SCOC: variants seen among roughly 807,000 people sequenced by gnomAD.
SCOC encodes short coiled-coil protein, also known as short coiled coil protein.
In SCOC, 7 loss-of-function variants were observed where a neutral mutation model predicts 9.9. That is an observed-to-expected ratio of 0.71 (90% CI 0.40 to 1.33). SCOC has a LOEUF of 1.33. Among genes scored for constraint, SCOC ranks in the 40% most tolerant of loss-of-function variants. The probability of loss-of-function intolerance (pLI) is 0.01; values close to 1 mark genes in which losing one functional copy is unlikely to be tolerated. For synonymous variants in SCOC, 19 were observed against 28.2 expected (o/e 0.67, Z 1.03); for missense variants, 66 against 89.7 (o/e 0.74, Z 1.07).
rs1728581364 is a variant in SCOC at position 140,381,787 on chromosome 4, G to C, written c.*683G>C. 6.6e-6 allele frequency: 1 copy of C among 152,094 alleles called. No homozygotes were observed. Among genetic ancestry groups the C allele is most frequent in the South Asian group, 2.1e-4 (1 of 4,830 alleles). 9.4% of individuals were successfully genotyped at this position (152,094 alleles called of 1,614,324 possible). A position where few individuals can be genotyped will look rare whatever the true frequency, so the allele number is the denominator to read the frequency against. Reference sequence around the variant, plus strand: ...CTGAATTAACTTGGGAATATTTGTTGTTAAAAACTTCTTTTTGCCCAAAAT... The same window carrying C: ...CTGAATTAACTTGGGAATATTTGTTCTTAAAAACTTCTTTTTGCCCAAAAT... On this transcript the variant is annotated 3_prime_UTR_variant, in exon 4 of 4. Transcript: ENST00000608372.
chr4:140,338,575 T>G (rs1409371983), upstream of SCOC, among the ~76,000 whole-genome samples: 2 of 152,200 alleles, frequency 1.3e-5, no homozygotes, highest in Non-Finnish European at 2.9e-5. Flanking sequence ...AAAATCTCCT[T>G]AAGCTGATAA....
In SCOC at chr4:140,359,421, C is replaced by T. The variant is rs150396461; in HGVS notation, c.70+15713C>T. Among the ~76,000 whole-genome samples, 5 of 152,252 alleles carry T rather than the reference C, an allele frequency of 3.3e-5. No homozygotes were observed. The East Asian group carries it at 9.6e-4, about 29-fold the overall frequency. On this transcript the variant is annotated intron_variant, in intron 2 of 4. Coordinates refer to the SCOC transcript ENST00000338517. ...CCTAGAGTAAATGTTCTAAGACCAA[C>T]AAGGAAGGTTGTGTGTACTTTTTAT...
chr4:140,296,465 T>TTCCAGA (rs1002546682), intron 1 of SCOC, among the ~76,000 whole-genome samples: 1 of 152,106 alleles, frequency 6.6e-6, no homozygotes, highest in African/African-American at 2.4e-5. Flanking sequence ...CATGATTTAT[T>TTCCAGA]TCCAGATTTA....
chr4:140,352,029 C>T (rs901530548), intron 2 of SCOC, among the ~76,000 whole-genome samples: 19 of 152,288 alleles, frequency 1.2e-4, no homozygotes, highest in African/African-American at 4.3e-4. Context: ...GAGACAACTG[C>T]GCAGATGAGA....
At chr4:140,374,179 A>C (rs1401903450) in intron 1 of SCOC, 3 of 458,088 alleles carry the variant, frequency 6.5e-6, no homozygotes, top group Non-Finnish European at 1.3e-5. Context: ...GAGCCGTAAA[A>C]TAAGGATTGG....
At chr4:140,334,144 C>T (rs191922009) in intron 1 of SCOC, among the ~76,000 whole-genome samples, 187 of 152,224 alleles carry the variant, frequency 1.2e-3, no homozygotes, top group Non-Finnish European at 2.0e-3. Flanking sequence ...GTCTCAAACT[C>T]CCAGGCTCAA....
intron 1 of SCOC, among the ~76,000 whole-genome samples, chr4:140,331,804 CA>C (rs979655754): frequency 2.4e-4 from 36 of 152,124 alleles, no homozygotes; most frequent in African/African-American, 8.5e-4. Flanking sequence ...TGAACATTTC[CA>C]TTTGGATTTT....
chr4:140,374,031 G>C, intron 1 of SCOC: 1 of 546,532 alleles, frequency 1.8e-6, no homozygotes, highest in South Asian at 1.5e-5. Flanking sequence ...GAGCCGCTTT[G>C]CAGCTCTCGG....
chr4:140,287,089 A>G (rs1473015405), intron 1 of SCOC, among the ~76,000 whole-genome samples: 1 of 152,082 alleles, frequency 6.6e-6, no homozygotes, highest in East Asian at 1.9e-4. Context: ...ATGCACATAT[A>G]GATACCATAG....
chr4:140,354,126 G>A (rs774725388), intron 2 of SCOC, among the ~76,000 whole-genome samples: 3 of 152,050 alleles, frequency 2.0e-5, no homozygotes, highest in Non-Finnish European at 2.9e-5. Context: ...TTGTTCCTCC[G>A]TGTGAATATT....
chr4:140,285,856 C>T (rs1053565058), intron 1 of SCOC, among the ~76,000 whole-genome samples: 2 of 152,276 alleles, frequency 1.3e-5, no homozygotes, highest in African/African-American at 4.8e-5. Flanking sequence ...ATCTCCCAGA[C>T]TCAGTTTCCT....
chr4:140,296,786 A>C (rs1176653972), intron 1 of SCOC, among the ~76,000 whole-genome samples: 5 of 152,050 alleles, frequency 3.3e-5, no homozygotes, highest in South Asian at 4.1e-4. Flanking sequence ...AAAAAAAAAA[A>C]CCTAATAATT....
intron 1 of SCOC, chr4:140,291,322 A>G (rs1731464059): frequency 2.3e-6 from 1 of 428,864 alleles, no homozygotes; most frequent in African/African-American, 2.0e-5. Context: ...CTTTTACTTT[A>G]GAGATTATAT....
intron 1 of SCOC, among the ~76,000 whole-genome samples, chr4:140,304,096 GC>G (rs1358065555): frequency 6.6e-6 from 1 of 152,062 alleles, no homozygotes; most frequent in African/African-American, 2.4e-5. Context: ...GAAGAGTGGT[GC>G]TTAGGGAGAA....
chr4:140,346,865 A>C (rs1449042781), intron 2 of SCOC, among the ~76,000 whole-genome samples: 1 of 152,190 alleles, frequency 6.6e-6, no homozygotes, highest in Non-Finnish European at 1.5e-5. Context: ...CTATGAGGGC[A>C]TCTCAACCTC....
chr4:140,320,627 C>G (rs1481654916), intron 1 of SCOC, among the ~76,000 whole-genome samples: 1 of 152,118 alleles, frequency 6.6e-6, no homozygotes, highest in Non-Finnish European at 1.5e-5. Flanking sequence ...CAGGGTAGAT[C>G]AAGGAGAAGC....
chr4:140,317,641 T>C (rs1228926724), intron 1 of SCOC, among the ~76,000 whole-genome samples: 1 of 150,752 alleles, frequency 6.6e-6, no homozygotes. Context: ...TTTTTTTTTT[T>C]TTCTACTGTT....
intron 1 of SCOC, among the ~76,000 whole-genome samples, chr4:140,327,720 G>A (rs549433425): frequency 2.6e-5 from 4 of 152,310 alleles, no homozygotes; most frequent in Non-Finnish European, 4.4e-5. Flanking sequence ...ATAGTCAAGC[G>A]TTCACTCTGG....
At chr4:140,288,689 A>C (rs1731376162) in intron 1 of SCOC, among the ~76,000 whole-genome samples, 1 of 152,036 alleles carries the variant, frequency 6.6e-6, no homozygotes, top group Non-Finnish European at 1.5e-5. Context: ...CCACATATAC[A>C]TACATGTGCC....
Sources: gnomAD v4.1 joint callset for allele counts (sites outside exome capture counted in the v4.1 genomes callset) on GRCh38, gnomAD v4.1.1 for gene constraint, MANE v1.5 for transcripts, NCBI Gene and HGNC (gene_info 2026-07-23, HGNC 2026-07-21) for gene names.